The following ABCG4 variants were observed in gnomAD, a reference collection of about 807,000 sequenced individuals.
ABCG4 encodes the protein ATP-binding cassette sub-family G member 4.
Under a neutral mutation model 64.6 loss-of-function variants are expected in ABCG4, and 35 were observed. That is an observed-to-expected ratio of 0.54 (90% CI 0.41 to 0.72). The LOEUF (loss-of-function observed/expected upper bound fraction) is 0.72, where lower values mean the gene tolerates loss of function less well. Ranked by LOEUF, ABCG4 falls within the 30% of genes least tolerant of loss-of-function variation. ABCG4 has a pLI of 0.00. For missense variants in ABCG4, 610 were observed against 846.3 expected, an observed-to-expected ratio of 0.72 and a Z score of 3.46; for synonymous variants, 326 against 348.2, an observed-to-expected ratio of 0.94 and a Z score of 0.71.
intron 2 of ABCG4, among the ~76,000 whole-genome samples, chr11:119,152,397 A>C (rs668033): frequency 0.47 from 71,793 of 152,076 alleles, 18,001 homozygotes; most frequent in East Asian, 0.9. Context: ...TCCAGAGGGA[A>C]AGCCGGGCCC....
rs997184052 is a variant in ABCG4, at chr11:119,160,070, G to A, written c.1438-157G>A. Reference sequence around the variant, plus strand: ...TCATATGGCCAGGGAGGAAGGGGACGTGTGTCAATCTGGGGGACAGCTTGA... The same window carrying A: ...TCATATGGCCAGGGAGGAAGGGGACATGTGTCAATCTGGGGGACAGCTTGA... On this transcript the variant is annotated intron_variant, in intron 12 of 14. Transcript: ENST00000619701. This position sits in a 1 kb window ranked among gnomAD's most constrained non-coding sequence, Gnocchi z 4.6. Among the ~76,000 whole-genome samples the A allele has an allele frequency of 2.0e-5, 3 of 151,912 alleles. No individual in the cohort carries two copies. The highest frequency in any genetic ancestry group is 2.0e-4 in the Admixed American group (3 of 15,250).
In ABCG4 at chr11:119,149,916, G is replaced by T. The variant is rs1230183494; in HGVS notation, c.-12-38G>T. On this transcript the variant is annotated intron_variant, in intron 1 of 14. Transcript: ENST00000619701. The surrounding 1 kb of genome is among the most constrained non-coding windows in gnomAD (Gnocchi z 8.3). ...GCCAGGGAGCTTTGAGCCGGGCTCGGTGGTCTGCCCCAAACTGAGCAGGCC... is the reference window on the plus strand; with the variant it reads ...GCCAGGGAGCTTTGAGCCGGGCTCGTTGGTCTGCCCCAAACTGAGCAGGCC... The T allele has an allele frequency of 6.4e-7, 1 of 1,571,204 alleles. No individual in the cohort carries two copies. The highest frequency in any genetic ancestry group is 8.6e-7 in the Non-Finnish European group (1 of 1,163,962).
At position 119,160,844 on chromosome 11, in the gene ABCG4, G is replaced by A. The variant is rs373582202; in HGVS notation, c.1716-37G>A. The A allele has an allele frequency of 5.5e-5, 87 of 1,594,422 alleles. No individual in the cohort carries two copies. The highest frequency in any genetic ancestry group is 5.5e-4 in the South Asian group (49 of 89,876). Reference sequence around the variant, plus strand: ...AGTTTTCTCAGAGAGCAGGGACCCTGTGTGCTGTATCCCATCTGATATCCC... The same window carrying A: ...AGTTTTCTCAGAGAGCAGGGACCCTATGTGCTGTATCCCATCTGATATCCC... On this transcript the variant is annotated intron_variant, in intron 14 of 14. Transcript: ENST00000619701. The surrounding 1 kb of genome is among the most constrained non-coding windows in gnomAD (Gnocchi z 4.6).
At position 119,154,752 on chromosome 11, in the gene ABCG4, T is replaced by C. The variant is rs1242377579; in HGVS notation, c.541-18T>C. 6.2e-7 allele frequency: 1 copy of C among 1,601,334 alleles called. No homozygotes were observed. The highest frequency in any genetic ancestry group is 8.5e-7 in the Non-Finnish European group (1 of 1,170,862). ...CAGAGACTCCGAAGCTGACCTGGCA[T>C]GGGTGGGGTGGGGCCAGGTGACAGA... On this transcript the variant is annotated intron_variant, in intron 5 of 14. Coordinates refer to ENST00000619701, the MANE Select transcript of ABCG4 (RefSeq NM_022169.5). This position sits in a 1 kb window ranked among gnomAD's most constrained non-coding sequence, Gnocchi z 7.0.
Position 119,160,923 on chromosome 11 carries a change from G to A in ABCG4, c.1758G>A (p.Glu586=), listed in dbSNP as rs775046550. The change falls in exon 15 of 15, where the codon GAG becomes GAA. Residue 586 remains glutamate (E), a synonymous_variant. Transcript: ENST00000619701. This position sits in a 1 kb window ranked among gnomAD's most constrained non-coding sequence, Gnocchi z 4.6. ...EGVILTIYGM[E]RGDLTCLEER... ...TGATCCTGACGATCTATGGCATGGA[G>A]CGAGGAGACCTGACATGTTTAGAGG... The A allele has an allele frequency of 1.9e-6, 3 of 1,614,104 alleles. No individual in the cohort carries two copies. The highest frequency in any genetic ancestry group is 2.5e-6 in the Non-Finnish European group (3 of 1,179,970).
In ABCG4 at chr11:119,156,772, C is replaced by T. The variant is rs4148169; in HGVS notation, c.925+94C>T. The stretch of plus-strand genomic sequence containing the variant: ...ACTCAGGCCTCCTAGGGGTAGAGAT[C>T]TCACCGTCGCCTGCCTTCCCCACAC... On this transcript the variant is annotated intron_variant, in intron 8 of 14. Coordinates refer to ENST00000619701, the MANE Select transcript of ABCG4 (RefSeq NM_022169.5). This position sits in a 1 kb window ranked among gnomAD's most constrained non-coding sequence, Gnocchi z 5.5. 8.2e-4 allele frequency: 1,296 copies of T among 1,588,038 alleles called. 20 individuals carry two copies. In the East Asian group the frequency reaches 0.017, roughly 21 times the overall value.
Position 119,161,171 on chromosome 11 carries a change from C to G in ABCG4, c.*65C>G. On this transcript the variant is annotated 3_prime_UTR_variant, in exon 15 of 15. Transcript: ENST00000619701. ...AGCCCCCAGTCCCAGCCCTTTGGGA[C>G]TGTTTTAACCTTATAGACTTGGGCA... The G allele has an allele frequency of 6.9e-7, 1 of 1,454,262 alleles. No homozygotes were observed. The highest frequency in any genetic ancestry group is 2.0e-5 in the Admixed American group (1 of 50,878). 90.1% of individuals were successfully genotyped at this position (1,454,262 alleles called of 1,614,324 possible).
In ABCG4 at chr11:119,158,936, C is replaced by T. The variant is rs1184991832; in HGVS notation, c.1437+7C>T. 1 of 1,612,978 alleles carries T rather than the reference C, an allele frequency of 6.2e-7. No homozygotes were observed. The highest frequency in any genetic ancestry group is 8.5e-7 in the Non-Finnish European group (1 of 1,179,214). Reference sequence around the variant, plus strand: ...GGCTGACGTGCCCTTTCAGGTGGGCCTCTTCCTCCCACCTGCCCACTGCCT... The same window carrying T: ...GGCTGACGTGCCCTTTCAGGTGGGCTTCTTCCTCCCACCTGCCCACTGCCT... On this transcript the variant is annotated splice_region_variant and intron_variant, in intron 12 of 14. Coordinates refer to ENST00000619701, the MANE Select transcript of ABCG4 (RefSeq NM_022169.5). This position sits in a 1 kb window ranked among gnomAD's most constrained non-coding sequence, Gnocchi z 4.5.
At position 119,161,209 on chromosome 11, in the gene ABCG4, G is replaced by A. The variant is rs1191125435; in HGVS notation, c.*103G>A. ...ATAGACTTGGGCACTGGTTCCTGGC[G>A]GGGCTATCCTCTCCTCCCTTGGCTC... On this transcript the variant is annotated 3_prime_UTR_variant, in exon 15 of 15. Transcript: ENST00000619701. 12 of 1,105,128 alleles carry A rather than the reference G, an allele frequency of 1.1e-5. No homozygotes were observed. The South Asian group carries it at 1.1e-4, about 10-fold the overall frequency. 68.5% of individuals were successfully genotyped at this position (1,105,128 alleles called of 1,614,324 possible).
In ABCG4 at chr11:119,158,324, A is replaced by T; in HGVS notation, c.1159A>T (p.Arg387Trp). The T allele has an allele frequency of 6.2e-7, 1 of 1,614,054 alleles. No homozygotes were observed. Among genetic ancestry groups the T allele is most frequent in the Non-Finnish European group, 8.5e-7 (1 of 1,179,960 alleles). ...LFKRTFLSILRDTVLTHLRFM... is the reference protein window; with the variant it reads ...LFKRTFLSILWDTVLTHLRFM... Reference sequence around the variant, plus strand: ...CAAGAGGACCTTCCTGTCCATCCTCAGGGACACGGTGAGGCGTCAGGCTGG... The same window carrying T: ...CAAGAGGACCTTCCTGTCCATCCTCTGGGACACGGTGAGGCGTCAGGCTGG... The change falls in exon 10 of 15, where the codon AGG becomes TGG. Residue 387 changes from arginine (R) to tryptophan (W), a missense_variant. Coordinates refer to ENST00000619701, the MANE Select transcript of ABCG4 (RefSeq NM_022169.5). The surrounding 1 kb of genome is among the most constrained non-coding windows in gnomAD (Gnocchi z 4.5).
Position 119,158,212 on chromosome 11 carries a change from C to T in ABCG4, c.1069-22C>T, listed in dbSNP as rs145297167. 4.8e-3 allele frequency: 7,522 copies of T among 1,554,834 alleles called. 27 individuals are homozygous for T. Among genetic ancestry groups the T allele is most frequent in the Non-Finnish European group, 5.9e-3 (6,778 of 1,145,158 alleles). On this transcript the variant is annotated intron_variant, in intron 9 of 14. Transcript: ENST00000619701. The surrounding 1 kb of genome is among the most constrained non-coding windows in gnomAD (Gnocchi z 4.5). The stretch of plus-strand genomic sequence containing the variant: ...TGAATGGGGTAGGCTCACCTGATCC[C>T]GATCCAATTTCTTCTTCCCAGGAAG...
Position 119,158,220 on chromosome 11 carries a change from TTTC to T in ABCG4, c.1069-7_1069-5del, listed in dbSNP as rs112039440. ...GTAGGCTCACCTGATCCCGATCCAATTTCTTCTTCCCAGGAAGTGGATCCCATT... is the reference window on the plus strand; with the variant it reads ...GTAGGCTCACCTGATCCCGATCCAATTTCTTCCCAGGAAGTGGATCCCATT... On this transcript the variant is annotated splice_polypyrimidine_tract_variant and intron_variant, in intron 9 of 14. Transcript: ENST00000619701. This position sits in a 1 kb window ranked among gnomAD's most constrained non-coding sequence, Gnocchi z 4.5. 1.9e-6 allele frequency: 3 copies of T among 1,569,622 alleles called. No homozygotes were observed. The highest frequency in any genetic ancestry group is 4.5e-5 in the East Asian group (2 of 44,288).
chr11:119,153,010 T>G (rs907289870), intron 2 of ABCG4: 4 of 152,246 alleles, frequency 2.6e-5, no homozygotes, highest in Non-Finnish European at 4.4e-5. Context: ...TCCTCAATTT[T>G]TATCCAGTGT....
chr11:119,157,123 G>C, intron 9 of ABCG4, 109 bp downstream of exon 9: 2 of 1,436,672 alleles, frequency 1.4e-6, no homozygotes, highest in Non-Finnish European at 1.9e-6. Flanking sequence ...GCAACCAATG[G>C]GTGCTAGGAA....
Position 119,161,167 on chromosome 11 carries a change from G to A in ABCG4, c.*61G>A. 6.6e-7 allele frequency: 1 copy of A among 1,512,332 alleles called. No individual in the cohort carries two copies. The highest frequency in any genetic ancestry group is 9.0e-7 in the Non-Finnish European group (1 of 1,109,316). 93.7% of individuals were successfully genotyped at this position (1,512,332 alleles called of 1,614,324 possible). On this transcript the variant is annotated 3_prime_UTR_variant, in exon 15 of 15. Transcript: ENST00000619701. ...AGGAAGCCCCCAGTCCCAGCCCTTT[G>A]GGACTGTTTTAACCTTATAGACTTG... is the stretch of plus-strand genomic sequence containing the variant.
Position 119,154,949 on chromosome 11 carries a change from C to G in ABCG4, c.686+34C>G, listed in dbSNP as rs753584552. 18 of 1,584,076 alleles carry G rather than the reference C, an allele frequency of 1.1e-5. No homozygotes were observed. The highest frequency in any genetic ancestry group is 5.4e-5 in the African/African-American group (4 of 74,530). On this transcript the variant is annotated intron_variant, in intron 6 of 14. Transcript: ENST00000619701. This position sits in a 1 kb window ranked among gnomAD's most constrained non-coding sequence, Gnocchi z 7.0. ...CTCCACCCTTTCCCACCAGGATACC[C>G]CTCTCCTCTCGGCCCTGAGCCAGGG...
rs1197109664 is a variant in ABCG4 at position 119,154,205 on chromosome 11, A to G, written c.357-55A>G. The G allele has an allele frequency of 5.0e-6, 8 of 1,613,088 alleles. No individual in the cohort carries two copies. The highest frequency in any genetic ancestry group is 5.9e-6 in the Non-Finnish European group (7 of 1,179,172). Reference sequence around the variant, plus strand: ...CAGGAAGAAGTATCCCTTGGGGAACACAGAAGGTATTCTGAAAGGGCATTG... The same window carrying G: ...CAGGAAGAAGTATCCCTTGGGGAACGCAGAAGGTATTCTGAAAGGGCATTG... On this transcript the variant is annotated intron_variant, in intron 3 of 14. Transcript: ENST00000619701. The surrounding 1 kb of genome is among the most constrained non-coding windows in gnomAD (Gnocchi z 7.0).
rs745462090 is a variant in ABCG4 at position 119,154,303 on chromosome 11, C to A, written c.400C>A (p.Arg134=). The A allele has an allele frequency of 6.2e-7, 1 of 1,614,044 alleles. No individual in the cohort carries two copies. The highest frequency in any genetic ancestry group is 1.3e-5 in the African/African-American group (1 of 74,906). The change falls in exon 4 of 15, where the codon CGG becomes AGG. Residue 134 remains arginine, a synonymous_variant. Transcript: ENST00000619701. The surrounding 1 kb of genome is among the most constrained non-coding windows in gnomAD (Gnocchi z 7.0). The part of the protein sequence containing the change: ...KGQILVNGRP[R]ELRTFRKMSC... ...GCAGATCCTGGTTAATGGAAGGCCA[C>A]GGGAGCTGAGGACCTTCCGCAAGAT...
In ABCG4 at chr11:119,155,027, G is replaced by A; in HGVS notation, c.686+112G>A. 1 of 1,443,310 alleles carries A rather than the reference G, an allele frequency of 6.9e-7. No homozygotes were observed. 89.4% of individuals were successfully genotyped at this position (1,443,310 alleles called of 1,614,324 possible). On this transcript the variant is annotated intron_variant, in intron 6 of 14. Transcript: ENST00000619701. The surrounding 1 kb of genome is among the most constrained non-coding windows in gnomAD (Gnocchi z 4.5). ...AGAGCCTCTGTTCACAGCCTCCTGGGGCCAAGATAAGGGCTTCTTCCTCAT... is the reference window on the plus strand; with the variant it reads ...AGAGCCTCTGTTCACAGCCTCCTGGAGCCAAGATAAGGGCTTCTTCCTCAT...
Sources: allele counts gnomAD v4.1 joint callset (sites outside exome capture counted in the v4.1 genomes callset), GRCh38; gene constraint gnomAD v4.1.1; non-coding constraint Gnocchi (gnomAD v3.1); transcripts MANE v1.5; gene names NCBI Gene and HGNC (gene_info 2026-07-23, HGNC 2026-07-21).